The following CFAP299 variants were observed in gnomAD, a reference collection of about 807,000 sequenced individuals.
CFAP299 encodes the protein cilia and flagella associated protein 299, also known as cilia- and flagella-associated protein 299.
CFAP299 carries 21 observed loss-of-function variants against 27.0 expected under a neutral mutation model. That is an observed-to-expected ratio of 0.78 (90% CI 0.55 to 1.12). The LOEUF is 1.12. CFAP299 is among the 50% of genes most tolerant of loss of function. CFAP299 has a pLI of 0.00. For synonymous variants in CFAP299, 104 were observed against 98.1 expected (o/e 1.06, Z -0.36); for missense variants, 310 against 276.6 (o/e 1.12, Z -0.86).
At chr4:80,372,733 G>A (rs989853956) in intron 2 of CFAP299, among the ~76,000 whole-genome samples, 2 of 152,096 alleles carry the variant, frequency 1.3e-5, no homozygotes, top group Non-Finnish European at 2.9e-5. Context: ...TGTCACTGAT[G>A]GAATCAATCA....
At chr4:80,453,596 T>A (rs1055362431) in intron 2 of CFAP299, among the ~76,000 whole-genome samples, 1 of 151,978 alleles carries the variant, frequency 6.6e-6, no homozygotes, top group Non-Finnish European at 1.5e-5. Context: ...ATCCCAGCAC[T>A]TTGGGAGGCT....
chr4:80,921,281 A>G (rs1171647602), intron 4 of CFAP299, among the ~76,000 whole-genome samples: 1 of 152,146 alleles, frequency 6.6e-6, no homozygotes, highest in Non-Finnish European at 1.5e-5. Context: ...AGCCAGACTT[A>G]GACAATTACA....
At chr4:80,387,997 C>T in intron 2 of CFAP299, 1 of 721,356 alleles carries the variant, frequency 1.4e-6, no homozygotes. Context: ...CCTCCACACA[C>T]TGGTTTGGCA....
chr4:80,886,362 T>A (rs1020255789), intron 4 of CFAP299, among the ~76,000 whole-genome samples: 2 of 152,188 alleles, frequency 1.3e-5, no homozygotes, highest in Non-Finnish European at 2.9e-5. Flanking sequence ...CCAATGATGG[T>A]GGCCACAGAG....
Position 80,870,659 on chromosome 4 carries a change from C to G in CFAP299, c.476+524C>G, listed in dbSNP as rs1387732560. On this transcript the variant is annotated intron_variant, in intron 4 of 5. Transcript: ENST00000358105. ...TCTATCACCTAGCATCTACCCTACA[C>G]TGCCAATCTATTCACAGATGGGTTC... is the stretch of plus-strand genomic sequence containing the variant. The G allele has an allele frequency of 4.1e-6, 4 of 985,528 alleles. No homozygotes were observed. In the East Asian group the frequency reaches 3.4e-4, roughly 84 times the overall value. 61.0% of individuals were successfully genotyped at this position (985,528 alleles called of 1,614,324 possible).
At chr4:80,868,512 T>C (rs1174097358) in intron 3 of CFAP299, among the ~76,000 whole-genome samples, 2 of 152,200 alleles carry the variant, frequency 1.3e-5, no homozygotes, top group Admixed American at 1.3e-4. Flanking sequence ...TCTATGCGCC[T>C]CTATCTCTGA....
chr4:80,386,588 T>C (rs1725019562), intron 2 of CFAP299: 1 of 1,597,592 alleles, frequency 6.3e-7, no homozygotes, highest in Non-Finnish European at 8.6e-7. Flanking sequence ...ATCTTTGAGG[T>C]ATTTGTGGCG....
At chr4:80,439,713 A>C (rs1728261004) in intron 2 of CFAP299, among the ~76,000 whole-genome samples, 1 of 152,154 alleles carries the variant, frequency 6.6e-6, no homozygotes, top group Non-Finnish European at 1.5e-5. Context: ...TCCCCTGGAA[A>C]GGGGGCTGAA....
intron 3 of CFAP299, among the ~76,000 whole-genome samples, chr4:80,857,001 G>A (rs1021790638): frequency 6.6e-6 from 1 of 151,950 alleles, no homozygotes; most frequent in Non-Finnish European, 1.5e-5. Context: ...GGGCAGTATG[G>A]CCATTTTCAC....
intron 4 of CFAP299, among the ~76,000 whole-genome samples, chr4:80,887,339 A>T (rs180949902): frequency 1.3e-5 from 2 of 152,180 alleles, no homozygotes; most frequent in Admixed American, 6.5e-5. Flanking sequence ...AGCAAGAGAG[A>T]AGAAACAAAC....
chr4:80,645,846 C>T (rs967537506), intron 3 of CFAP299, among the ~76,000 whole-genome samples: 1 of 152,100 alleles, frequency 6.6e-6, no homozygotes, highest in Non-Finnish European at 1.5e-5. Context: ...GGGCTTATTG[C>T]ACCTCTTCTC....
At chr4:80,800,966 G>A (rs1728555022) in intron 3 of CFAP299, among the ~76,000 whole-genome samples, 1 of 151,152 alleles carries the variant, frequency 6.6e-6, no homozygotes, top group Non-Finnish European at 1.5e-5. Flanking sequence ...ATGTAGATCA[G>A]TCTAGCCTTT....
At position 80,931,143 on chromosome 4, in the gene CFAP299, ATAAGTGAGTGAG is replaced by A. The variant is rs1001523905; in HGVS notation, c.477-13665_477-13654del. 4.4e-5 allele frequency among the ~76,000 whole-genome samples: 6 copies of A among 134,876 alleles called. No individual in the cohort carries two copies. In the South Asian group the frequency reaches 1.2e-3, roughly 28 times the overall value. 88.5% of individuals were successfully genotyped at this position (134,876 alleles called of 152,430 possible). A position where few individuals can be genotyped will look rare whatever the true frequency, so the allele number is the denominator to read the frequency against. Reference sequence around the variant, plus strand: ...ATTTTAAATGAGAAAAGACATAATAATAAGTGAGTGAGTGAGTGAGTGAGTGAGTGAGTGAGT... The same window carrying A: ...ATTTTAAATGAGAAAAGACATAATAATGAGTGAGTGAGTGAGTGAGTGAGT... On this transcript the variant is annotated intron_variant, in intron 4 of 5. Coordinates refer to ENST00000358105, the MANE Select transcript of CFAP299 (RefSeq NM_152770.3).
intron 3 of CFAP299, among the ~76,000 whole-genome samples, chr4:80,853,611 C>T (rs900600722): frequency 1.3e-5 from 2 of 152,092 alleles, no homozygotes; most frequent in African/African-American, 4.8e-5. Context: ...TCAGAAGACC[C>T]ATATGGCTGG....
At chr4:80,364,590 G>C (rs1024176359) in intron 2 of CFAP299, among the ~76,000 whole-genome samples, 14 of 152,148 alleles carry the variant, frequency 9.2e-5, no homozygotes, top group Admixed American at 8.5e-4. Flanking sequence ...CCCTTTGTTT[G>C]TTATTTCTTC....
chr4:80,371,315 C>T (rs1307994257), intron 2 of CFAP299, among the ~76,000 whole-genome samples: 3 of 152,240 alleles, frequency 2.0e-5, no homozygotes, highest in African/African-American at 7.2e-5. Flanking sequence ...GGGGCTGCCA[C>T]GAAGGTCTCT....
the CFAP299 span, among the ~76,000 whole-genome samples, chr4:80,322,797 G>A: frequency 6.6e-6 from 1 of 152,196 alleles, no homozygotes; most frequent in Non-Finnish European, 1.5e-5. Flanking sequence ...TGCCAGGGAA[G>A]TTTTGGCTGG....
chr4:80,724,970 CAG>C (rs1723070034), intron 3 of CFAP299, among the ~76,000 whole-genome samples: 1 of 146,368 alleles, frequency 6.8e-6, no homozygotes, highest in Non-Finnish European at 1.5e-5. Flanking sequence ...TTTTTTGAGA[CAG>C]AGTCTTGCTG....
intron 2 of CFAP299, among the ~76,000 whole-genome samples, chr4:80,447,302 A>AT (rs1728686877): frequency 6.8e-6 from 1 of 147,090 alleles, no homozygotes. Flanking sequence ...CGCCCGGCTA[A>AT]TTTTTTGTAT....
Sources: allele counts gnomAD v4.1 joint callset (sites outside exome capture counted in the v4.1 genomes callset), GRCh38; gene constraint gnomAD v4.1.1; transcripts MANE v1.5; gene names NCBI Gene and HGNC (gene_info 2026-07-23, HGNC 2026-07-21).